The following CACNA1C variants were observed in gnomAD, a reference collection of about 807,000 sequenced individuals.
CACNA1C encodes the protein calcium voltage-gated channel subunit alpha1 C, also known as voltage-dependent L-type calcium channel subunit alpha-1C.
A neutral mutation model predicts 229.0 loss-of-function variants in CACNA1C; 30 were observed. The ratio of observed to expected loss-of-function variants is 0.13; its 90% confidence interval spans 0.10 to 0.18. CACNA1C has a LOEUF of 0.18. Among genes scored for constraint, CACNA1C ranks in the 10% least tolerant of loss-of-function variants. The pLI, the probability that CACNA1C is intolerant of heterozygous loss-of-function variation, is 1.00. For missense variants in CACNA1C, 1,658 were observed against 2,845.0 expected, an observed-to-expected ratio of 0.58 and a Z score of 9.49; for synonymous variants, 1,114 against 1,132.5, an observed-to-expected ratio of 0.98 and a Z score of 0.33.
chr12:2,443,829 T>A (rs1402375731), intron 3 of CACNA1C, among the ~76,000 whole-genome samples: 1 of 152,212 alleles, frequency 6.6e-6, no homozygotes, highest in Non-Finnish European at 1.5e-5. Flanking sequence ...CAACGTATGT[T>A]TTGAAGGAAT....
intron 3 of CACNA1C, among the ~76,000 whole-genome samples, chr12:2,328,967 C>T (rs141699738): frequency 1.3e-5 from 2 of 152,302 alleles, no homozygotes; most frequent in Admixed American, 6.5e-5. Flanking sequence ...TTGAGTACTG[C>T]TTGTTGTCAC....
At chr12:2,535,801 A>G (rs7963955) in intron 9 of CACNA1C, among the ~76,000 whole-genome samples, 52,646 of 151,706 alleles carry the variant, frequency 0.35, 10,447 homozygotes, top group African/African-American at 0.54. Context: ...AGGGCAAGAA[A>G]GAGGAAAACA....
Position 2,581,653 on chromosome 12 carries a change from C to G in CACNA1C, c.1959C>G (p.Ser653=), listed in dbSNP as rs772409263. Residue 653 remains serine, a synonymous_variant, in exon 14 of 47, where the codon TCC becomes TCG. Transcript: ENST00000399655. The part of the protein sequence containing the change: ...SLLNSVRSIA[S]LLLLLFLFII... ...TGAACTCTGTGCGCTCCATCGCCTC[C>G]CTGCTCCTTCTCCTCTTCCTCTTCA... 1 of 1,604,870 alleles carries G rather than the reference C, an allele frequency of 6.2e-7. No individual in the cohort carries two copies. Among genetic ancestry groups the G allele is most frequent in the Admixed American group, 1.7e-5 (1 of 58,970 alleles).
chr12:2,062,749 G>A (rs748285725), intron 1 of CACNA1C, among the ~76,000 whole-genome samples: 10 of 151,976 alleles, frequency 6.6e-5, no homozygotes, highest in African/African-American at 2.2e-4. Flanking sequence ...CTTGTCTCCC[G>A]GGGGACCCAT....
At position 2,651,817 on chromosome 12, in the gene CACNA1C, G is replaced by A. The variant is rs759036754; in HGVS notation, c.4074+49G>A. Reference sequence around the variant, plus strand: ...GCCCGGGGAATCGCAGGGCTGCCGCGTGGCCCAGAACACAGCTGACACAAG... The same window carrying A: ...GCCCGGGGAATCGCAGGGCTGCCGCATGGCCCAGAACACAGCTGACACAAG... On this transcript the variant is annotated intron_variant, in intron 32 of 46. Transcript: ENST00000399655. This position sits in a 1 kb window ranked among gnomAD's most constrained non-coding sequence, Gnocchi z 5.4. The A allele has an allele frequency of 1.8e-5, 26 of 1,473,866 alleles. No homozygotes were observed. The highest frequency in any genetic ancestry group is 1.3e-4 in the South Asian group (10 of 78,296). 91.3% of individuals were successfully genotyped at this position (1,473,866 alleles called of 1,614,324 possible).
intron 3 of CACNA1C, among the ~76,000 whole-genome samples, chr12:2,363,971 C>T (rs999045870): frequency 6.6e-6 from 1 of 152,192 alleles, no homozygotes; most frequent in Non-Finnish European, 1.5e-5. Context: ...GCCATCATCC[C>T]CTCGTGCCTG....
At chr12:2,223,750 GT>G (rs1329651714) in intron 3 of CACNA1C, among the ~76,000 whole-genome samples, 2 of 152,088 alleles carry the variant, frequency 1.3e-5, no homozygotes, top group Admixed American at 1.3e-4. Flanking sequence ...TGTACCCTAC[GT>G]ACATTAGAAT....
At position 2,593,200 on chromosome 12, in the gene CACNA1C, G is replaced by A. The variant is rs749112370; in HGVS notation, c.2531-13G>A. On this transcript the variant is annotated splice_polypyrimidine_tract_variant and intron_variant, in intron 18 of 46. Coordinates refer to ENST00000399655, the MANE Select transcript of CACNA1C (RefSeq NM_000719.7). ...TGCTGGAGTTATTTAGAATGGTGCT[G>A]TTCTTCTTACAGGAGAAGAGGATGA... The A allele has an allele frequency of 3.1e-6, 5 of 1,612,808 alleles. No individual in the cohort carries two copies. The highest frequency in any genetic ancestry group is 4.2e-6 in the Non-Finnish European group (5 of 1,179,200).
intron 3 of CACNA1C, among the ~76,000 whole-genome samples, chr12:2,290,377 G>C (rs1403354425): frequency 2.0e-5 from 3 of 152,192 alleles, no homozygotes; most frequent in African/African-American, 7.2e-5. Context: ...CAGAGACAAT[G>C]GTGTTGACTC....
chr12:2,485,874 G>A (rs2099695602), intron 5 of CACNA1C, among the ~76,000 whole-genome samples: 1 of 152,214 alleles, frequency 6.6e-6, no homozygotes, highest in Admixed American at 6.5e-5. Flanking sequence ...TACAGCAGCT[G>A]CCAGTCCTTT....
intron 1 of CACNA1C, among the ~76,000 whole-genome samples, chr12:2,047,816 G>A (rs1399612110): frequency 6.6e-6 from 1 of 152,338 alleles, no homozygotes; most frequent in African/African-American, 2.4e-5. Flanking sequence ...GAAGGCTGCT[G>A]CCTCTGCATC....
At chr12:2,489,515 C>T (rs891290963) in intron 6 of CACNA1C, among the ~76,000 whole-genome samples, 9 of 152,174 alleles carry the variant, frequency 5.9e-5, no homozygotes, top group Non-Finnish European at 1.0e-4. Flanking sequence ...CTTTTGTTTC[C>T]GGTTGTCCCA....
chr12:2,247,843 G>A (rs2154381706), intron 3 of CACNA1C, among the ~76,000 whole-genome samples: 1 of 152,286 alleles, frequency 6.6e-6, no homozygotes, highest in South Asian at 2.1e-4. Context: ...GGGAGGGGAA[G>A]ACAACTTGAA....
chr12:2,184,678 A>G (rs1413485186), intron 3 of CACNA1C, among the ~76,000 whole-genome samples: 1 of 152,142 alleles, frequency 6.6e-6, no homozygotes, highest in Non-Finnish European at 1.5e-5. Flanking sequence ...TAGGCATGTC[A>G]TGGGCTCTGG....
rs76163305 is a variant in CACNA1C, at chr12:2,040,500, C to G, written c.139+69299C>G. On this transcript the variant is annotated intron_variant, in intron 1 of 46. Coordinates refer to the CACNA1C transcript ENST00000682462. ...AAGAAATGTGAGAGAATTTTGTTAT[C>G]AAAGTCTAAGCGGTAGGCTGGGTGA... Among the ~76,000 whole-genome samples, 682 of 152,250 alleles carry G rather than the reference C, an allele frequency of 4.5e-3. 4 individuals are homozygous for G. Among genetic ancestry groups the G allele is most frequent in the African/African-American group, 0.016 (653 of 41,540 alleles).
Position 2,346,272 on chromosome 12 carries a change from CTGTG to C in CACNA1C, c.478-102702_478-102699del, listed in dbSNP as rs1164936837. Among the ~76,000 whole-genome samples the C allele has an allele frequency of 6.6e-6, 1 of 151,740 alleles. No homozygotes were observed. On this transcript the variant is annotated intron_variant, in intron 3 of 46. Transcript: ENST00000399655. This position sits in a 1 kb window ranked among gnomAD's most constrained non-coding sequence, Gnocchi z 4.4. ...CTGTCTGTGCATCTCTCGTATGTGC[CTGTG>C]TCTCTATGTAATGTGTTTGTGTGTA...
At chr12:2,417,411 G>A (rs1447563689) in intron 3 of CACNA1C, among the ~76,000 whole-genome samples, 1 of 152,186 alleles carries the variant, frequency 6.6e-6, no homozygotes, top group Non-Finnish European at 1.5e-5. Flanking sequence ...GCTTGTGGGT[G>A]CTTTTAAAAA....
chr12:2,222,645 A>T (rs2061771372), intron 3 of CACNA1C, among the ~76,000 whole-genome samples: 1 of 152,170 alleles, frequency 6.6e-6, no homozygotes, highest in Non-Finnish European at 1.5e-5. Flanking sequence ...CCTTTAGTAC[A>T]CCTTTGCCTG....
intron 29 of CACNA1C, among the ~76,000 whole-genome samples, chr12:2,627,974 A>G (rs2153540130): frequency 6.6e-6 from 1 of 152,342 alleles, no homozygotes; most frequent in African/African-American, 2.4e-5. Context: ...GCAGATAAGG[A>G]AGGCAGGCAG....
Sources: allele counts gnomAD v4.1 joint callset (sites outside exome capture counted in the v4.1 genomes callset), GRCh38; gene constraint gnomAD v4.1.1; non-coding constraint Gnocchi (gnomAD v3.1); transcripts MANE v1.5; gene names NCBI Gene and HGNC (gene_info 2026-07-23, HGNC 2026-07-21).